CTIF: variants seen among roughly 807,000 people sequenced by gnomAD.
CTIF encodes cap binding complex dependent translation initiation factor.
CTIF carries 21 observed loss-of-function variants against 66.0 expected under a neutral mutation model. That is an observed-to-expected ratio of 0.32 (90% CI 0.23 to 0.46). The LOEUF is 0.46. CTIF is among the 20% of genes least tolerant of loss of function. CTIF has a pLI of 1.00. For synonymous variants in CTIF, 345 were observed against 326.4 expected, an observed-to-expected ratio of 1.06 and a Z score of -0.62; for missense variants, 739 against 812.7, an observed-to-expected ratio of 0.91 and a Z score of 1.10.
intron 3 of CTIF, among the ~76,000 whole-genome samples, chr18:48,646,947 G>A (rs4939788): frequency 0.54 from 77,625 of 144,208 alleles, 24,148 homozygotes; most frequent in East Asian, 0.84. Context: ...AGTACCATAT[G>A]ATTTGATTGA....
intron 2 of CTIF, among the ~76,000 whole-genome samples, chr18:48,630,706 C>T (rs1179119909): frequency 4.0e-5 from 6 of 150,138 alleles, no homozygotes; most frequent in Non-Finnish European, 7.4e-5. Flanking sequence ...GTTGGAGTCT[C>T]GCTCTGTTGC....
At chr18:48,725,347 T>C (rs1373599838) in intron 7 of CTIF, among the ~76,000 whole-genome samples, 1 of 152,138 alleles carries the variant, frequency 6.6e-6, no homozygotes, top group Non-Finnish European at 1.5e-5. Context: ...AGGGCCTCTT[T>C]AGGCAGAGCA....
chr18:48,589,408 G>T lies in CTIF; in HGVS notation c.-28-30130G>T, dbSNP rs996458523. 2.6e-4 allele frequency among the ~76,000 whole-genome samples: 40 copies of T among 152,284 alleles called. 1 individual carries two copies. The highest frequency in any genetic ancestry group is 2.4e-3 in the Admixed American group (37 of 15,300). On this transcript the variant is annotated intron_variant, in intron 1 of 11. Transcript: ENST00000256413. Reference sequence around the variant, plus strand: ...ATGTACTCTCCTCTTGTGTGTCTGTGTCCAAATTTCCCTCTTCTTATAAGG... The same window carrying T: ...ATGTACTCTCCTCTTGTGTGTCTGTTTCCAAATTTCCCTCTTCTTATAAGG...
intron 1 of CTIF, among the ~76,000 whole-genome samples, chr18:48,550,463 T>C (rs543296713): frequency 5.3e-5 from 8 of 152,316 alleles, no homozygotes; most frequent in Admixed American, 2.6e-4. Flanking sequence ...TGTGGGAAGA[T>C]GGTGGTGGAT....
At chr18:48,774,113 C>G (rs987938889) in intron 9 of CTIF, among the ~76,000 whole-genome samples, 1 of 152,078 alleles carries the variant, frequency 6.6e-6, no homozygotes, top group Middle Eastern at 3.2e-3. Context: ...GGAAGGGAGG[C>G]GCTGTTGCAG....
chr18:48,724,668 C>T (rs1479823049), intron 7 of CTIF, among the ~76,000 whole-genome samples: 1 of 152,226 alleles, frequency 6.6e-6, no homozygotes, highest in African/African-American at 2.4e-5. Context: ...TGAGAGCTTT[C>T]CCTGCTGTGT....
At chr18:48,650,539 G>T (rs2091136722) in intron 3 of CTIF, among the ~76,000 whole-genome samples, 1 of 152,178 alleles carries the variant, frequency 6.6e-6, no homozygotes, top group African/African-American at 2.4e-5. Flanking sequence ...AACCAAGTTG[G>T]AAAACACTCT....
intron 10 of CTIF, among the ~76,000 whole-genome samples, chr18:48,854,848 AAG>A (rs1408143343): frequency 1.3e-5 from 2 of 152,216 alleles, no homozygotes; most frequent in East Asian, 1.9e-4. Context: ...GCTCGAGCCT[AAG>A]AGTTTGAGGT....
intron 1 of CTIF, among the ~76,000 whole-genome samples, chr18:48,599,194 G>T (rs2144104640): frequency 6.6e-6 from 1 of 152,268 alleles, no homozygotes; most frequent in Middle Eastern, 3.4e-3. Flanking sequence ...CCAGGGTGTG[G>T]CCGGGGCCTC....
intron 10 of CTIF, among the ~76,000 whole-genome samples, chr18:48,828,678 A>G (rs1010774588): frequency 5.9e-5 from 9 of 152,342 alleles, no homozygotes; most frequent in African/African-American, 2.2e-4. Flanking sequence ...CTCAGGACCA[A>G]CAAGAAAAGT....
intron 9 of CTIF, among the ~76,000 whole-genome samples, chr18:48,768,850 G>C (rs1909832423): frequency 6.6e-6 from 1 of 152,174 alleles, no homozygotes; most frequent in African/African-American, 2.4e-5. Context: ...GCTGCAGAGA[G>C]CTAGGTCCCT....
intron 10 of CTIF, among the ~76,000 whole-genome samples, chr18:48,845,656 G>T (rs2069054685): frequency 6.6e-6 from 1 of 152,124 alleles, no homozygotes; most frequent in Non-Finnish European, 1.5e-5. Context: ...GATGATCCCA[G>T]ATTACCATTC....
At chr18:48,802,870 T>C (rs2068074749) in intron 9 of CTIF, among the ~76,000 whole-genome samples, 2 of 152,218 alleles carry the variant, frequency 1.3e-5, no homozygotes, top group Non-Finnish European at 2.9e-5. Context: ...GTCCCACTGG[T>C]ATTCTTCATC....
chr18:48,612,954 G>A (rs538470783), intron 1 of CTIF, among the ~76,000 whole-genome samples: 1 of 152,250 alleles, frequency 6.6e-6, no homozygotes, highest in South Asian at 2.1e-4. Context: ...TTGGGTGCTG[G>A]GGGTGGAGAG....
intron 1 of CTIF, among the ~76,000 whole-genome samples, chr18:48,594,515 G>A (rs1289500585): frequency 6.6e-6 from 1 of 152,078 alleles, no homozygotes; most frequent in Non-Finnish European, 1.5e-5. Flanking sequence ...TGTGGGGCCT[G>A]GCATTTAGGG....
intron 6 of CTIF, among the ~76,000 whole-genome samples, chr18:48,700,889 C>T (rs749227360): frequency 6.6e-6 from 1 of 152,216 alleles, no homozygotes; most frequent in Non-Finnish European, 1.5e-5. Flanking sequence ...CGTGGGCATC[C>T]TCTGAGGGTT....
chr18:48,854,324 G>C (rs1029522264), intron 10 of CTIF, among the ~76,000 whole-genome samples: 8 of 152,158 alleles, frequency 5.3e-5, no homozygotes, highest in African/African-American at 1.2e-4. Flanking sequence ...AGAGGATGGA[G>C]AGCCCCAAAG....
intron 1 of CTIF, among the ~76,000 whole-genome samples, chr18:48,581,031 T>G (rs887432773): frequency 6.6e-6 from 1 of 152,248 alleles, no homozygotes; most frequent in Non-Finnish European, 1.5e-5. Flanking sequence ...TCTCTCCATT[T>G]AGCAATGCGA....
chr18:48,649,361 G>A (rs898274153), intron 3 of CTIF, among the ~76,000 whole-genome samples: 2 of 152,258 alleles, frequency 1.3e-5, no homozygotes, highest in African/African-American at 4.8e-5. Context: ...TAGCGCAGCA[G>A]TCTAACATTG....
Sources: gnomAD v4.1 joint callset for allele counts (sites outside exome capture counted in the v4.1 genomes callset) on GRCh38, gnomAD v4.1.1 for gene constraint, MANE v1.5 for transcripts, NCBI Gene and HGNC (gene_info 2026-07-23, HGNC 2026-07-21) for gene names.